ZNRF2: variants seen among roughly 807,000 people sequenced by gnomAD.
ZNRF2 encodes zinc and ring finger 2.
A neutral mutation model predicts 20.4 loss-of-function variants in ZNRF2; 16 were observed. The observed-to-expected ratio is 0.79, with a 90% CI of 0.53 to 1.19. The LOEUF (loss-of-function observed/expected upper bound fraction) is 1.19. Ranked by LOEUF, ZNRF2 falls within the 50% of genes most tolerant of loss-of-function variation. The pLI, the probability that ZNRF2 is intolerant of heterozygous loss-of-function variation, is 0.00. For missense variants in ZNRF2, 363 were observed against 332.4 expected (o/e 1.09, Z -0.72); for synonymous variants, 178 against 144.9 (o/e 1.23, Z -1.64).
intron 2 of ZNRF2, among the ~76,000 whole-genome samples, chr7:30,352,629 G>A (rs1024301337): frequency 1.3e-5 from 2 of 152,012 alleles, no homozygotes; most frequent in African/African-American, 4.8e-5. Flanking sequence ...ATCATAGCTT[G>A]TGGAGGAGGA....
chr7:30,285,941 T>C (rs1798779663), intron 1 of ZNRF2, 115 bp downstream of exon 1: 15 of 1,327,056 alleles, frequency 1.1e-5, no homozygotes, highest in Non-Finnish European at 1.4e-5. Flanking sequence ...CGCCGGGGGC[T>C]GCCTCCCGGA....
intron 1 of ZNRF2, among the ~76,000 whole-genome samples, chr7:30,317,485 A>G (rs1020138244): frequency 1.3e-5 from 2 of 152,222 alleles, no homozygotes; most frequent in East Asian, 1.9e-4. Context: ...GTAAAGTAGG[A>G]TGAAAATATT....
chr7:30,333,768 T>G (rs1799675048), intron 2 of ZNRF2, among the ~76,000 whole-genome samples: 1 of 152,210 alleles, frequency 6.6e-6, no homozygotes. Context: ...GTGATAAACA[T>G]TTTTTCATAT....
chr7:30,339,091 T>C (rs1024059100), intron 2 of ZNRF2, among the ~76,000 whole-genome samples: 2 of 152,268 alleles, frequency 1.3e-5, no homozygotes, highest in Non-Finnish European at 2.9e-5. Flanking sequence ...TGTCTGTTCA[T>C]ATCCTTTGCC....
rs1031434494 is a variant in ZNRF2 at position 30,367,198 on chromosome 7, G to A, written c.*1186G>A. On this transcript the variant is annotated 3_prime_UTR_variant, in exon 5 of 5. Coordinates refer to ENST00000323037, the MANE Select transcript of ZNRF2 (RefSeq NM_147128.4). Reference sequence around the variant, plus strand: ...TTTTGTTAATTTATAATTTATTCATGTGTTATTACTGTAATTGAAAATGTT... The same window carrying A: ...TTTTGTTAATTTATAATTTATTCATATGTTATTACTGTAATTGAAAATGTT... 1.3e-5 allele frequency: 2 copies of A among 152,402 alleles called. No homozygotes were observed. The highest frequency in any genetic ancestry group is 2.9e-5 in the Non-Finnish European group (2 of 67,918). 9.4% of individuals were successfully genotyped at this position (152,402 alleles called of 1,614,324 possible). A position where few individuals can be genotyped will look rare whatever the true frequency, so the allele number is the denominator to read the frequency against.
chr7:30,325,693 G>A (rs1799540293), intron 2 of ZNRF2, among the ~76,000 whole-genome samples: 1 of 152,150 alleles, frequency 6.6e-6, no homozygotes, highest in African/African-American at 2.4e-5. Context: ...CCCTATTACA[G>A]GGTTGACAAT....
intron 1 of ZNRF2, among the ~76,000 whole-genome samples, chr7:30,291,109 G>C (rs1255464128): frequency 6.6e-6 from 1 of 152,236 alleles, no homozygotes; most frequent in African/African-American, 2.4e-5. Flanking sequence ...AAGTTGTACG[G>C]AGAGAGGGCA....
chr7:30,359,571 A>G (rs575996948), intron 3 of ZNRF2, among the ~76,000 whole-genome samples: 29 of 152,260 alleles, frequency 1.9e-4, no homozygotes, highest in African/African-American at 6.5e-4. Context: ...GCTAACAACG[A>G]GCTATATAAG....
intron 2 of ZNRF2, among the ~76,000 whole-genome samples, chr7:30,343,508 A>T (rs1247833760): frequency 6.6e-6 from 1 of 152,018 alleles, no homozygotes; most frequent in Non-Finnish European, 1.5e-5. Flanking sequence ...TTTTTCCTTT[A>T]CAAATGTTGC....
chr7:30,315,918 A>G (rs1691778349), intron 1 of ZNRF2, among the ~76,000 whole-genome samples: 2 of 152,152 alleles, frequency 1.3e-5, no homozygotes, highest in African/African-American at 4.8e-5. Context: ...GGGGCTACAA[A>G]AAATAGATCA....
chr7:30,350,496 T>G (rs1245946983), intron 2 of ZNRF2, among the ~76,000 whole-genome samples: 1 of 152,038 alleles, frequency 6.6e-6, no homozygotes, highest in African/African-American at 2.4e-5. Flanking sequence ...TTCCCATATT[T>G]TTACTGATAT....
intron 2 of ZNRF2, among the ~76,000 whole-genome samples, chr7:30,346,637 T>G (rs376801208): frequency 1.3e-5 from 2 of 152,088 alleles, no homozygotes; most frequent in African/African-American, 4.8e-5. Context: ...TTTTTGTTTT[T>G]TCACCGTACT....
At chr7:30,295,098 T>TGA (rs1562603793) in intron 1 of ZNRF2, among the ~76,000 whole-genome samples, 3 of 142,016 alleles carry the variant, frequency 2.1e-5, no homozygotes, top group Admixed American at 1.4e-4. Flanking sequence ...TGTGTGTGTG[T>TGA]GTGATTGCAG....
intron 1 of ZNRF2, among the ~76,000 whole-genome samples, chr7:30,299,514 G>A (rs1441592513): frequency 6.6e-6 from 1 of 151,680 alleles, no homozygotes; most frequent in African/African-American, 2.4e-5. Context: ...TTAATTGGAA[G>A]TTCTCTTTTT....
chr7:30,285,298 G>GCTCCCGCC lies in ZNRF2; in HGVS notation c.-53_-46dup. On this transcript the variant is annotated 5_prime_UTR_variant, in exon 1 of 5. Coordinates refer to ENST00000323037, the MANE Select transcript of ZNRF2 (RefSeq NM_147128.4). ...GCCCTGCCCTCTAGCTCCCGCGCTC[G>GCTCCCGCC]CTCCCGCCCTCCCGGCTCTCGGGGC... 2 of 1,048,458 alleles carry GCTCCCGCC rather than the reference G, an allele frequency of 1.9e-6. No individual in the cohort carries two copies. The highest frequency in any genetic ancestry group is 2.3e-6 in the Non-Finnish European group (2 of 871,788). The allele number at this position is 1,048,458 out of a possible 1,614,324, so 64.9% of individuals were successfully genotyped here. A position where few individuals can be genotyped will look rare whatever the true frequency, so the allele number is the denominator to read the frequency against.
rs1218255302 is a variant in ZNRF2 at position 30,295,048 on chromosome 7, AGAGTGTGTGTGTGTGTGTGTGTGT to A, written c.469+9224_469+9247del. 4.7e-3 allele frequency among the ~76,000 whole-genome samples: 369 copies of A among 79,038 alleles called. 2 individuals carry two copies. Among genetic ancestry groups the A allele is most frequent in the African/African-American group, 0.022 (340 of 15,556 alleles). The allele number at this position is 79,038 out of a possible 152,430, so 51.9% of individuals were successfully genotyped here. On this transcript the variant is annotated intron_variant, in intron 1 of 4. Transcript: ENST00000323037. ...GAGAGAGAGAGAGAGAGAGAGAGAGAGAGTGTGTGTGTGTGTGTGTGTGTGTGTGTGTGTGTGTGTGTGTGTGTG... is the reference window on the plus strand; with the variant it reads ...GAGAGAGAGAGAGAGAGAGAGAGAGAGTGTGTGTGTGTGTGTGTGTGTGTG...
intron 3 of ZNRF2, among the ~76,000 whole-genome samples, chr7:30,358,174 A>G (rs889975436): frequency 9.8e-5 from 15 of 152,346 alleles, no homozygotes; most frequent in African/African-American, 3.4e-4. Flanking sequence ...AAAGCTAACA[A>G]TAAATATTGG....
chr7:30,319,320 A>G (rs1223263912), intron 1 of ZNRF2, among the ~76,000 whole-genome samples: 1 of 152,152 alleles, frequency 6.6e-6, no homozygotes, highest in Non-Finnish European at 1.5e-5. Flanking sequence ...AATGATAGCC[A>G]CTGTTTACTG....
chr7:30,303,169 G>A (rs1799145572), intron 1 of ZNRF2, among the ~76,000 whole-genome samples: 1 of 151,500 alleles, frequency 6.6e-6, no homozygotes, highest in Non-Finnish European at 1.5e-5. Flanking sequence ...TGTAGTCCCA[G>A]CTAATCAGGA....
Sources: gnomAD v4.1 joint callset for allele counts (sites outside exome capture counted in the v4.1 genomes callset) on GRCh38, gnomAD v4.1.1 for gene constraint, MANE v1.5 for transcripts, NCBI Gene and HGNC (gene_info 2026-07-23, HGNC 2026-07-21) for gene names.